ZMIZ1: variants seen among roughly 807,000 people sequenced by gnomAD.
The protein encoded by ZMIZ1 is zinc finger MIZ domain-containing protein 1.
In ZMIZ1, 17 loss-of-function variants were observed where a neutral mutation model predicts 113.9. The observed-to-expected ratio is 0.15, with a 90% confidence interval of 0.10 to 0.22. ZMIZ1 has a LOEUF of 0.22. Among genes scored for constraint, ZMIZ1 ranks in the 10% least tolerant of loss-of-function variants. The pLI, the probability that ZMIZ1 is intolerant of heterozygous loss-of-function variation, is 1.00. For missense variants in ZMIZ1, 1,059 were observed against 1,477.8 expected, an observed-to-expected ratio of 0.72 and a Z score of 4.65; for synonymous variants, 607 against 603.1, an observed-to-expected ratio of 1.01 and a Z score of -0.09.
chr10:79,292,660 G>A (rs1220171580), intron 11 of ZMIZ1: 1 of 494,572 alleles, frequency 2.0e-6, no homozygotes, highest in Non-Finnish European at 3.8e-6. Flanking sequence ...ATGGCTCTCT[G>A]GGCCCCCAAC....
intron 7 of ZMIZ1, among the ~76,000 whole-genome samples, chr10:79,260,250 T>A (rs1851186957): frequency 6.6e-6 from 1 of 152,224 alleles, no homozygotes; most frequent in Non-Finnish European, 1.5e-5. Context: ...ATGTAGCACA[T>A]GGGAACCCTA....
intron 6 of ZMIZ1, among the ~76,000 whole-genome samples, chr10:79,212,781 T>A (rs1211510584): frequency 2.0e-5 from 3 of 149,912 alleles, no homozygotes; most frequent in African/African-American, 4.9e-5. Flanking sequence ...AAAAAAAAAA[T>A]TTGTGTACAG....
At chr10:79,190,390 T>A (rs893762013) in intron 4 of ZMIZ1, among the ~76,000 whole-genome samples, 7 of 152,118 alleles carry the variant, frequency 4.6e-5, no homozygotes, top group African/African-American at 1.7e-4. Flanking sequence ...TGCTCTACGC[T>A]CCCTGCCTCA....
chr10:79,158,818 T>G (rs970625583), intron 3 of ZMIZ1, among the ~76,000 whole-genome samples: 3 of 152,244 alleles, frequency 2.0e-5, no homozygotes, highest in African/African-American at 7.2e-5. Flanking sequence ...CTGCCTTGTC[T>G]GAGACTCAGC....
intron 6 of ZMIZ1, among the ~76,000 whole-genome samples, chr10:79,209,897 A>T (rs1848469228): frequency 6.6e-6 from 1 of 152,208 alleles, no homozygotes; most frequent in African/African-American, 2.4e-5. Context: ...GCCATTAGGG[A>T]TGCCAGACAG....
Position 79,224,242 on chromosome 10 carries a change from C to G in ZMIZ1, c.280+7968C>G, listed in dbSNP as rs549591374. Among the ~76,000 whole-genome samples, 29 of 152,342 alleles carry G rather than the reference C, an allele frequency of 1.9e-4. No individual in the cohort carries two copies. In the South Asian group the frequency reaches 5.4e-3, roughly 28 times the overall value. ...AAATGTCAACTTACAAGTAATGGCT[C>G]TATCTGGAGGGGGCCGGAGGGTGAC... On this transcript the variant is annotated intron_variant, in intron 7 of 24. Coordinates refer to ENST00000334512, the MANE Select transcript of ZMIZ1 (RefSeq NM_020338.4).
At chr10:79,137,055 A>G (rs1030893765) in intron 2 of ZMIZ1, among the ~76,000 whole-genome samples, 1 of 152,184 alleles carries the variant, frequency 6.6e-6, no homozygotes, top group Non-Finnish European at 1.5e-5. Flanking sequence ...TCTGATTCTA[A>G]ATATATATTT....
chr10:79,202,507 A>C (rs947245401), intron 5 of ZMIZ1, among the ~76,000 whole-genome samples: 5 of 151,138 alleles, frequency 3.3e-5, no homozygotes, highest in African/African-American at 1.2e-4. Flanking sequence ...TTTTACAGGA[A>C]AGGAAACAAG....
At chr10:79,128,903 A>G (rs1182915719) in intron 2 of ZMIZ1, among the ~76,000 whole-genome samples, 7 of 152,156 alleles carry the variant, frequency 4.6e-5, no homozygotes. Flanking sequence ...CCACACCTCA[A>G]TTTCCTCATC....
chr10:79,276,213 G>T (rs982099297), intron 7 of ZMIZ1, among the ~76,000 whole-genome samples: 1 of 152,152 alleles, frequency 6.6e-6, no homozygotes, highest in Non-Finnish European at 1.5e-5. Flanking sequence ...GAGTCTGTGG[G>T]CTCCTGAAGT....
At position 79,312,708 on chromosome 10, in the gene ZMIZ1, A is replaced by C. The variant is rs747693216; in HGVS notation, c.3163A>C (p.Asn1055His). Residue 1055 changes from asparagine to histidine, a missense_variant, in exon 25 of 25, where the codon AAT becomes CAT. This residue lies in a region of ZMIZ1 where 225 missense variants were observed against 276.0 expected (regional missense o/e 0.82). Coordinates refer to ENST00000334512, the MANE Select transcript of ZMIZ1 (RefSeq NM_020338.4). ...SYLDPPDLPSNSNDDLLSLFE... is the reference protein window; with the variant it reads ...SYLDPPDLPSHSNDDLLSLFE... ...TCTGGACCCCCCCGACCTGCCGAGC[A>C]ATAGTAACGATGACCTCCTGTCTCT... The C allele has an allele frequency of 1.9e-6, 3 of 1,614,194 alleles. No homozygotes were observed. Among genetic ancestry groups the C allele is most frequent in the Non-Finnish European group, 1.7e-6 (2 of 1,180,016 alleles).
intron 12 of ZMIZ1, 39 bp downstream of exon 12, chr10:79,293,692 G>A: frequency 6.2e-7 from 1 of 1,612,940 alleles, no homozygotes; most frequent in East Asian, 2.2e-5. Flanking sequence ...TGGGAACTGG[G>A]ACACCTGGGC....
At chr10:79,120,679 G>A (rs375147019) in intron 2 of ZMIZ1, among the ~76,000 whole-genome samples, 5 of 152,072 alleles carry the variant, frequency 3.3e-5, no homozygotes, top group Non-Finnish European at 5.9e-5. Flanking sequence ...GTAGATTGCC[G>A]AGAGCAATTT....
chr10:79,272,640 C>G (rs1852018398), intron 7 of ZMIZ1, among the ~76,000 whole-genome samples: 1 of 152,244 alleles, frequency 6.6e-6, no homozygotes, highest in African/African-American at 2.4e-5. Flanking sequence ...GCTCAGCAGC[C>G]AGTTGTTGAA....
At chr10:79,120,060 T>A (rs1307151137) in intron 2 of ZMIZ1, among the ~76,000 whole-genome samples, 1 of 149,514 alleles carries the variant, frequency 6.7e-6, no homozygotes, top group Non-Finnish European at 1.5e-5. Flanking sequence ...GGGGGAGAAT[T>A]CTGGGGAGGT....
chr10:79,096,860 G>A (rs1265516607), intron 1 of ZMIZ1, among the ~76,000 whole-genome samples: 1 of 152,202 alleles, frequency 6.6e-6, no homozygotes, highest in African/African-American at 2.4e-5. Context: ...CACCAAGAAA[G>A]AAACAAACAG....
At chr10:79,117,369 A>G (rs1844084430) in intron 1 of ZMIZ1, among the ~76,000 whole-genome samples, 1 of 152,154 alleles carries the variant, frequency 6.6e-6, no homozygotes, top group Non-Finnish European at 1.5e-5. Context: ...CTTTATATAA[A>G]TGGATCTCAT....
chr10:79,120,868 G>A (rs530794665), intron 2 of ZMIZ1, among the ~76,000 whole-genome samples: 1 of 152,312 alleles, frequency 6.6e-6, no homozygotes, highest in South Asian at 2.1e-4. Flanking sequence ...CCAAGGTGGT[G>A]GGGTCTGTGT....
rs753640124 is a variant in ZMIZ1 at position 79,296,620 on chromosome 10, G to A, written c.1380G>A (p.Pro460=). The A allele has an allele frequency of 3.8e-5, 60 of 1,581,416 alleles. No individual in the cohort carries two copies. Among genetic ancestry groups the A allele is most frequent in the South Asian group, 5.7e-5 (5 of 87,592 alleles). The change falls in exon 13 of 25, where the codon CCG becomes CCA. Residue 460 remains proline (P), a synonymous_variant. Coordinates refer to ENST00000334512, the MANE Select transcript of ZMIZ1 (RefSeq NM_020338.4). The surrounding 1 kb of genome is among the most constrained non-coding windows in gnomAD (Gnocchi z 4.1). ...GCCAGCCGAGCTCCGGGCAGTACCCGCCCCCCACGGTCAACATGGGGCAGT... is the reference window on the plus strand; with the variant it reads ...GCCAGCCGAGCTCCGGGCAGTACCCACCCCCCACGGTCAACATGGGGCAGT... ...MPSQPSSGQY[P]PPTVNMGQYY... is the part of the protein sequence containing the mutation.
Sources: gnomAD v4.1 joint callset for allele counts (sites outside exome capture counted in the v4.1 genomes callset) on GRCh38, gnomAD v4.1.1 for gene constraint, gnomAD v4.1.1 regional missense constraint, Gnocchi (gnomAD v3.1) non-coding constraint, MANE v1.5 for transcripts, NCBI Gene and HGNC (gene_info 2026-07-23, HGNC 2026-07-21) for gene names.